The following PDE10A variants were observed in gnomAD, a reference collection of about 807,000 sequenced individuals.
PDE10A encodes phosphodiesterase 10A.
Under a neutral mutation model 97.7 loss-of-function variants are expected in PDE10A, and 39 were observed. That is an observed-to-expected ratio of 0.40 (90% confidence interval 0.31 to 0.52). The LOEUF is 0.52. Ranked by LOEUF, PDE10A falls within the 20% of genes least tolerant of loss-of-function variation. PDE10A has a pLI of 0.56. For missense variants in PDE10A, 731 were observed against 1,047.8 expected (o/e 0.70, Z 4.17); for synonymous variants, 371 against 376.8 (o/e 0.98, Z 0.18).
intron 2 of PDE10A, among the ~76,000 whole-genome samples, chr6:165,537,644 A>T (rs970250881): frequency 2.0e-5 from 3 of 152,016 alleles, no homozygotes; most frequent in Admixed American, 1.3e-4. Flanking sequence ...AAATAATAGA[A>T]TATGCCAAAT....
intron 1 of PDE10A, among the ~76,000 whole-genome samples, chr6:165,906,848 C>G (rs1391822748): frequency 2.0e-5 from 3 of 152,148 alleles, no homozygotes; most frequent in Non-Finnish European, 4.4e-5. Context: ...GACTATTGGC[C>G]AAGAGAGGTG....
rs144938519 is a variant in PDE10A at position 165,405,043 on chromosome 6, C to T, written c.2076+8458G>A. Among the ~76,000 whole-genome samples the T allele has an allele frequency of 7.8e-3, 1,186 of 151,666 alleles. 7 individuals carry two copies. Among genetic ancestry groups the T allele is most frequent in the Non-Finnish European group, 0.011 (758 of 67,952 alleles). ...GGACTGCAAAGGTGACAATAGTTTCCTCTAACGTGTTTCAGTGGATTTGAA... is the reference window on the plus strand; with the variant it reads ...GGACTGCAAAGGTGACAATAGTTTCTTCTAACGTGTTTCAGTGGATTTGAA... On this transcript the variant is annotated intron_variant, in intron 13 of 21. Coordinates refer to ENST00000539869, the MANE Select transcript of PDE10A (RefSeq NM_001385079.1).
rs73251509 is a variant in PDE10A, at chr6:165,591,705, A to G, written c.866-48137T>C. 4.3e-3 allele frequency among the ~76,000 whole-genome samples: 648 copies of G among 152,308 alleles called. 4 individuals are homozygous for G. Among genetic ancestry groups the G allele is most frequent in the African/African-American group, 0.015 (627 of 41,574 alleles). On this transcript the variant is annotated intron_variant, in intron 1 of 21. Transcript: ENST00000539869. ...TGTTTTTTGCTTTTTTGTTTTTTTA[A>G]GTTAAATTAGCTATTGAATGTATTT...
At chr6:165,769,339 C>A (rs1178666986) in intron 1 of PDE10A, among the ~76,000 whole-genome samples, 1 of 152,154 alleles carries the variant, frequency 6.6e-6, no homozygotes, top group African/African-American at 2.4e-5. Flanking sequence ...TCTGTGTTAT[C>A]TGGTAGCCAG....
intron 1 of PDE10A, among the ~76,000 whole-genome samples, chr6:165,642,214 A>G (rs1583699301): frequency 6.6e-6 from 1 of 152,206 alleles, no homozygotes; most frequent in Admixed American, 6.5e-5. Context: ...GGGCTAACAC[A>G]GTCTTTTCCT....
rs1255139183 is a variant in PDE10A at position 165,332,308 on chromosome 6, A to G, written c.*717T>C. ...ACTGCTACTTGAAGTTCTGAGATTTATTGTAACATATACCTCATCTCTTCT... is the reference window on the plus strand; with the variant it reads ...ACTGCTACTTGAAGTTCTGAGATTTGTTGTAACATATACCTCATCTCTTCT... On this transcript the variant is annotated 3_prime_UTR_variant, in exon 22 of 22. Coordinates refer to ENST00000539869, the MANE Select transcript of PDE10A (RefSeq NM_001385079.1). 1 of 152,242 alleles carries G rather than the reference A, an allele frequency of 6.6e-6. No individual in the cohort carries two copies. The highest frequency in any genetic ancestry group is 2.1e-4 in the South Asian group (1 of 4,838). The allele number at this position is 152,242 out of a possible 1,614,324, so 9.4% of individuals were successfully genotyped here.
At chr6:165,852,286 C>T (rs1053194802) in intron 1 of PDE10A, among the ~76,000 whole-genome samples, 2 of 152,176 alleles carry the variant, frequency 1.3e-5, no homozygotes, top group African/African-American at 4.8e-5. Context: ...CCTAATCTGA[C>T]TTTGCAAAGT....
At chr6:165,527,794 A>T (rs1427592531) in intron 2 of PDE10A, among the ~76,000 whole-genome samples, 3 of 152,200 alleles carry the variant, frequency 2.0e-5, no homozygotes, top group African/African-American at 7.2e-5. Flanking sequence ...CACTCCTGCC[A>T]TCTGCCTTCT....
chr6:165,520,298 G>A (rs1402013187), intron 2 of PDE10A, among the ~76,000 whole-genome samples: 2 of 152,132 alleles, frequency 1.3e-5, no homozygotes, highest in Non-Finnish European at 2.9e-5. Flanking sequence ...TAAGTTCCAA[G>A]ATGTAACATA....
chr6:165,498,423 CAAAAAAAAAAAAAAAAAAAAAAA>C (rs35069498), intron 2 of PDE10A, among the ~76,000 whole-genome samples: 235 of 22,890 alleles, frequency 0.01, 6 homozygotes, highest in Middle Eastern at 0.025. Flanking sequence ...ACCCTGTCTC[CAAAAAAAAAAAAAAAAAAAAAAA>C]AAAAAAAAAA....
At chr6:165,972,411 G>C (rs145359641) in intron 1 of PDE10A, among the ~76,000 whole-genome samples, 1 of 152,064 alleles carries the variant, frequency 6.6e-6, no homozygotes, top group Non-Finnish European at 1.5e-5. Flanking sequence ...TACCCTGCCA[G>C]GTGGTATGAC....
At chr6:165,879,772 T>C (rs1041499798) in intron 1 of PDE10A, among the ~76,000 whole-genome samples, 4 of 152,232 alleles carry the variant, frequency 2.6e-5, no homozygotes, top group Admixed American at 2.6e-4. Flanking sequence ...GTTTTATTTA[T>C]ATGATTTTTT....
intron 13 of PDE10A, among the ~76,000 whole-genome samples, chr6:165,408,788 A>C (rs1787436352): frequency 6.6e-6 from 1 of 152,142 alleles, no homozygotes; most frequent in African/African-American, 2.4e-5. Flanking sequence ...CTGTGGACTC[A>C]AATCTCTTAT....
At position 165,430,345 on chromosome 6, in the gene PDE10A, C is replaced by T; in HGVS notation, c.1543G>A (p.Val515Ile). 6.3e-7 allele frequency: 1 copy of T among 1,583,834 alleles called. No individual in the cohort carries two copies. Residue 515 changes from valine to isoleucine, a missense_variant and splice_region_variant, in exon 9 of 22, where the codon GTA becomes ATA. Around this residue, in one of 8 missense-constraint regions of PDE10A, gnomAD observed 108 missense variants for 199.8 expected, o/e 0.54. Coordinates refer to ENST00000539869, the MANE Select transcript of PDE10A (RefSeq NM_001385079.1). ...WASVAIHQVQ[V>I]CRGLAKQTEL... ...GTCTGTTTGGCAAGGCCTCTGCATA[C>T]CTACCATATAAAATAATAGGTACAA... is the stretch of plus-strand genomic sequence containing the variant.
chr6:165,646,412 G>C (rs1789400574), intron 1 of PDE10A, among the ~76,000 whole-genome samples: 1 of 152,186 alleles, frequency 6.6e-6, no homozygotes, highest in Non-Finnish European at 1.5e-5. Context: ...GCAGGAAAAA[G>C]TATTTAATGA....
Position 165,433,136 on chromosome 6 carries a change from A to AAAAAAAG in PDE10A, c.1336-8_1336-7insCTTTTTT. 1 of 1,601,970 alleles carries AAAAAAAG rather than the reference A, an allele frequency of 6.2e-7. No individual in the cohort carries two copies. The highest frequency in any genetic ancestry group is 8.5e-7 in the Non-Finnish European group (1 of 1,172,678). ...CTCTTGGAAATCGTTCATCCTGAAAAACAAAAAGACAAAAAGACATAAATT... is the reference window on the plus strand; with the variant it reads ...CTCTTGGAAATCGTTCATCCTGAAAAAAAAAAGACAAAAAGACAAAAAGACATAAATT... On this transcript the variant is annotated splice_region_variant and splice_polypyrimidine_tract_variant and intron_variant, in intron 6 of 21. Coordinates refer to ENST00000539869, the MANE Select transcript of PDE10A (RefSeq NM_001385079.1).
At position 165,329,365 on chromosome 6, in the gene PDE10A, C is replaced by A. The variant is rs557247431; in HGVS notation, c.*3660G>T. 64 of 152,198 alleles carry A rather than the reference C, an allele frequency of 4.2e-4. No homozygotes were observed. Among genetic ancestry groups the A allele is most frequent in the Admixed American group, 4.1e-3 (63 of 15,278 alleles). 9.4% of individuals were successfully genotyped at this position (152,198 alleles called of 1,614,324 possible). A position where few individuals can be genotyped will look rare whatever the true frequency, so the allele number is the denominator to read the frequency against. ...ATTCAACTTGATAAAATGAATTGTG[C>A]GTTCCTGCAAATATTTTCAATTATA... is the stretch of plus-strand genomic sequence containing the variant. On this transcript the variant is annotated 3_prime_UTR_variant, in exon 22 of 22. Transcript: ENST00000539869.
chr6:165,664,624 T>C (rs141607298), upstream of PDE10A, among the ~76,000 whole-genome samples: 24 of 152,242 alleles, frequency 1.6e-4, no homozygotes, highest in African/African-American at 5.8e-4. Context: ...AGAAAAAAAC[T>C]GCAATGGTTG....
intron 2 of PDE10A, among the ~76,000 whole-genome samples, chr6:165,536,243 G>A: frequency 6.6e-6 from 1 of 151,832 alleles, no homozygotes; most frequent in Non-Finnish European, 1.5e-5. Flanking sequence ...CTGGTGCTGG[G>A]AAAACTGGAT....
Sources: gnomAD v4.1 joint callset for allele counts (sites outside exome capture counted in the v4.1 genomes callset) on GRCh38, gnomAD v4.1.1 for gene constraint, gnomAD v4.1.1 regional missense constraint, MANE v1.5 for transcripts, NCBI Gene and HGNC (gene_info 2026-07-23, HGNC 2026-07-21) for gene names.